FHIT: variants seen among roughly 807,000 people sequenced by gnomAD.
FHIT encodes bis(5'-adenosyl)-triphosphatase.
FHIT carries 19 observed loss-of-function variants against 17.9 expected under a neutral mutation model. That is an observed-to-expected ratio of 1.06 (90% CI 0.74 to 1.56). The LOEUF (loss-of-function observed/expected upper bound fraction) is 1.56, where lower values mean the gene tolerates loss of function less well. Among genes scored for constraint, FHIT ranks in the 40% most tolerant of loss-of-function variants. FHIT has a pLI of 0.00. For missense variants in FHIT, 248 were observed against 189.2 expected (o/e 1.31, Z -1.82); for synonymous variants, 81 against 69.7 (o/e 1.16, Z -0.81).
At chr3:60,361,949 C>A (rs771550786) in intron 5 of FHIT, among the ~76,000 whole-genome samples, 9 of 152,140 alleles carry the variant, frequency 5.9e-5, no homozygotes, top group Non-Finnish European at 1.2e-4. Context: ...TCCTTCCTTT[C>A]TTAAATCAAG....
At chr3:60,643,145 A>G (rs556239727) in intron 4 of FHIT, among the ~76,000 whole-genome samples, 1 of 152,286 alleles carries the variant, frequency 6.6e-6, no homozygotes, top group African/African-American at 2.4e-5. Flanking sequence ...CGAATGAATG[A>G]GTCTTCACTG....
intron 2 of FHIT, among the ~76,000 whole-genome samples, chr3:61,067,593 C>G (rs1460583439): frequency 6.6e-6 from 1 of 152,142 alleles, no homozygotes; most frequent in Admixed American, 6.5e-5. Context: ...CCAGTCCCCC[C>G]AGAGGTCAAA....
At chr3:59,766,903 T>G (rs1559586753) in intron 8 of FHIT, among the ~76,000 whole-genome samples, 1 of 152,342 alleles carries the variant, frequency 6.6e-6, no homozygotes, top group East Asian at 1.9e-4. Context: ...TTCATTGACA[T>G]TAGAGTAAAG....
intron 8 of FHIT, among the ~76,000 whole-genome samples, chr3:59,879,417 G>A (rs1188792266): frequency 2.6e-5 from 4 of 152,038 alleles, no homozygotes; most frequent in Non-Finnish European, 4.4e-5. Context: ...CAGAAATAAC[G>A]AGCTATATAG....
chr3:60,311,773 A>G (rs1708958643), intron 5 of FHIT, among the ~76,000 whole-genome samples: 1 of 152,202 alleles, frequency 6.6e-6, no homozygotes, highest in East Asian at 1.9e-4. Flanking sequence ...AAAATGACAC[A>G]TACAACAACC....
intron 5 of FHIT, among the ~76,000 whole-genome samples, chr3:60,016,819 G>C (rs183149808): frequency 2.6e-5 from 4 of 152,244 alleles, no homozygotes; most frequent in Admixed American, 2.6e-4. Context: ...CTTAAGGTTA[G>C]CTTCAAAGAA....
chr3:60,505,224 G>C (rs1300932575), intron 5 of FHIT, among the ~76,000 whole-genome samples: 1 of 152,036 alleles, frequency 6.6e-6, no homozygotes, highest in East Asian at 1.9e-4. Context: ...AACAAGACTG[G>C]TTCCAGGCCT....
At chr3:59,784,619 A>G (rs1410139953) in intron 8 of FHIT, among the ~76,000 whole-genome samples, 1 of 152,180 alleles carries the variant, frequency 6.6e-6, no homozygotes, top group Non-Finnish European at 1.5e-5. Context: ...CACGACCTTA[A>G]AAAATGTTGA....
chr3:60,079,075 T>A (rs1576049092), intron 5 of FHIT, among the ~76,000 whole-genome samples: 1 of 152,032 alleles, frequency 6.6e-6, no homozygotes, highest in South Asian at 2.1e-4. Context: ...CTTCACAGGG[T>A]GATCGGGGTG....
chr3:59,819,318 C>G (rs544699342), intron 8 of FHIT, among the ~76,000 whole-genome samples: 1 of 152,260 alleles, frequency 6.6e-6, no homozygotes, highest in Admixed American at 6.5e-5. Context: ...AGGTTCTTGC[C>G]TAGTTTGGAC....
intron 3 of FHIT, among the ~76,000 whole-genome samples, chr3:60,927,513 G>T (rs1015660429): frequency 2.6e-5 from 4 of 151,390 alleles, no homozygotes; most frequent in Admixed American, 2.6e-4. Context: ...ACCTCTTCCT[G>T]GCCTTCACCC....
At chr3:59,828,028 A>C (rs2106690380) in intron 8 of FHIT, among the ~76,000 whole-genome samples, 1 of 152,290 alleles carries the variant, frequency 6.6e-6, no homozygotes, top group East Asian at 1.9e-4. Flanking sequence ...TTATATAAGA[A>C]CCCTTTTTGA....
intron 2 of FHIT, among the ~76,000 whole-genome samples, chr3:61,075,251 C>G (rs1559962113): frequency 6.6e-6 from 1 of 152,148 alleles, no homozygotes; most frequent in Non-Finnish European, 1.5e-5. Flanking sequence ...CAGACCCTCA[C>G]TGCCCATTGG....
Position 60,925,982 on chromosome 3 carries a change from G to A in FHIT, c.-110-103971C>T, listed in dbSNP as rs547112410. Among the ~76,000 whole-genome samples, 65 of 152,208 alleles carry A rather than the reference G, an allele frequency of 4.3e-4. 1 individual carries two copies. The South Asian group carries it at 0.013, about 30-fold the overall frequency. Reference sequence around the variant, plus strand: ...GAAGGCCATTACATAATGGTAAAGGGATCAATTCAACAAGAAAAGCTAACT... The same window carrying A: ...GAAGGCCATTACATAATGGTAAAGGAATCAATTCAACAAGAAAAGCTAACT... On this transcript the variant is annotated intron_variant, in intron 3 of 9. Coordinates refer to ENST00000492590, the MANE Select transcript of FHIT (RefSeq NM_002012.4).
chr3:60,691,299 AT>A (rs1362537244), intron 4 of FHIT, among the ~76,000 whole-genome samples: 1 of 150,900 alleles, frequency 6.6e-6, no homozygotes, highest in Non-Finnish European at 1.5e-5. Flanking sequence ...CTCTTTTGTT[AT>A]TTTAATTTTT....
At chr3:60,950,179 T>C (rs1024391248) in intron 3 of FHIT, among the ~76,000 whole-genome samples, 2 of 152,206 alleles carry the variant, frequency 1.3e-5, no homozygotes, top group African/African-American at 2.4e-5. Flanking sequence ...AATTGTCTAA[T>C]GACACAGTTT....
chr3:60,847,521 TGAG>T (rs771963447), intron 3 of FHIT, among the ~76,000 whole-genome samples: 1 of 152,092 alleles, frequency 6.6e-6, no homozygotes, highest in Non-Finnish European at 1.5e-5. Context: ...GGCTATCAAA[TGAG>T]GAGATCCCCT....
chr3:60,340,791 T>A (rs1472727870), intron 5 of FHIT, among the ~76,000 whole-genome samples: 2 of 152,092 alleles, frequency 1.3e-5, no homozygotes, highest in African/African-American at 4.8e-5. Flanking sequence ...CACCACAACC[T>A]TTGCCTCCCA....
chr3:60,118,265 T>G (rs1444489865), intron 5 of FHIT, among the ~76,000 whole-genome samples: 3 of 151,162 alleles, frequency 2.0e-5, no homozygotes, highest in Non-Finnish European at 4.4e-5. Flanking sequence ...CACCACCATA[T>G]CCAGCTCATT....
Sources: gnomAD v4.1 joint callset for allele counts (sites outside exome capture counted in the v4.1 genomes callset) on GRCh38, gnomAD v4.1.1 for gene constraint, MANE v1.5 for transcripts, NCBI Gene and HGNC (gene_info 2026-07-23, HGNC 2026-07-21) for gene names.